PVT1: variants seen among roughly 807,000 people sequenced by gnomAD.
PVT1 encodes Pvt1 oncogene.
chr8:127,882,783 A>G (rs1487618343), intron 2 of PVT1, among the ~76,000 whole-genome samples: 1 of 152,172 alleles, frequency 6.6e-6, no homozygotes, highest in Non-Finnish European at 1.5e-5. Flanking sequence ...ACACCCAGCC[A>G]GTTTTGAAGA....
intron 4 of PVT1, among the ~76,000 whole-genome samples, chr8:128,039,084 A>T (rs1586492715): frequency 6.6e-6 from 1 of 152,124 alleles, no homozygotes; most frequent in East Asian, 1.9e-4. Flanking sequence ...CCTCTTGGCC[A>T]CTGGAAGGCT....
chr8:128,008,868 T>A, intron 4 of PVT1: 1 of 494,318 alleles, frequency 2.0e-6, no homozygotes, highest in South Asian at 1.5e-5. Context: ...AACTAGAAGC[T>A]ATGGTCAGGC....
At chr8:127,857,702 A>G (rs1815176642) in intron 2 of PVT1, among the ~76,000 whole-genome samples, 1 of 152,162 alleles carries the variant, frequency 6.6e-6, no homozygotes, top group African/African-American at 2.4e-5. Context: ...AACAAAGCAA[A>G]AACAATTAGG....
At chr8:128,096,087 C>G (rs1563685860) in intron 5 of PVT1, among the ~76,000 whole-genome samples, 1 of 152,206 alleles carries the variant, frequency 6.6e-6, no homozygotes, top group Non-Finnish European at 1.5e-5. Context: ...AGATAACCAA[C>G]CAGGTACAAC....
At chr8:127,936,214 G>A (rs145002780) in intron 3 of PVT1, among the ~76,000 whole-genome samples, 273 of 151,854 alleles carry the variant, frequency 1.8e-3, no homozygotes, top group African/African-American at 6.5e-3. Context: ...ACCCACGCCC[G>A]GCTAATTTTG....
chr8:127,912,404 G>A (rs188252884), intron 3 of PVT1, among the ~76,000 whole-genome samples: 7 of 152,272 alleles, frequency 4.6e-5, no homozygotes, highest in Admixed American at 3.9e-4. Context: ...TAAGTAATCT[G>A]CCAAAGATCC....
intron 2 of PVT1, among the ~76,000 whole-genome samples, chr8:127,845,074 T>C (rs1436475711): frequency 1.3e-5 from 2 of 152,152 alleles, no homozygotes; most frequent in Non-Finnish European, 2.9e-5. Context: ...GCAGGTGTTT[T>C]ATGTGTGGGG....
intron 4 of PVT1, among the ~76,000 whole-genome samples, chr8:128,018,107 G>A (rs921999578): frequency 3.3e-5 from 5 of 152,176 alleles, no homozygotes; most frequent in African/African-American, 1.2e-4. Context: ...GGGGAGTGGT[G>A]GAAGGCCCTC....
intron 2 of PVT1, among the ~76,000 whole-genome samples, chr8:127,824,047 G>A (rs1814761200): frequency 6.6e-6 from 1 of 152,170 alleles, no homozygotes; most frequent in Non-Finnish European, 1.5e-5. Flanking sequence ...TAAAAAATTA[G>A]CCATACATGG....
chr8:127,879,920 G>A (rs1815446323), intron 2 of PVT1, among the ~76,000 whole-genome samples: 2 of 152,214 alleles, frequency 1.3e-5, no homozygotes, highest in African/African-American at 4.8e-5. Context: ...TCTTCGCTGG[G>A]TGATCTTGGG....
intron 3 of PVT1, among the ~76,000 whole-genome samples, chr8:127,961,354 T>C (rs1200373042): frequency 6.6e-6 from 1 of 151,938 alleles, no homozygotes; most frequent in Non-Finnish European, 1.5e-5. Flanking sequence ...AAGAGAGAAG[T>C]CCCTGAACGC....
At chr8:128,029,383 C>T (rs936802841) in intron 4 of PVT1, among the ~76,000 whole-genome samples, 17 of 152,204 alleles carry the variant, frequency 1.1e-4, no homozygotes, top group Non-Finnish European at 2.2e-4. Flanking sequence ...CTACCTCATC[C>T]TCCCAATGTG....
At chr8:127,798,666 C>G (rs1814425839) in intron 2 of PVT1, among the ~76,000 whole-genome samples, 1 of 141,516 alleles carries the variant, frequency 7.1e-6, no homozygotes, top group Non-Finnish European at 1.5e-5. Context: ...CAAGACCAGC[C>G]TGGCCAGCAT....
chr8:128,067,725 C>T (rs769103382), intron 4 of PVT1, among the ~76,000 whole-genome samples: 2 of 151,960 alleles, frequency 1.3e-5, no homozygotes. Flanking sequence ...TAGGGGTGAG[C>T]TGGAGCAACC....
chr8:128,060,872 A>C (rs59109762), intron 4 of PVT1, among the ~76,000 whole-genome samples: 4,497 of 150,156 alleles, frequency 0.03, 151 homozygotes, highest in East Asian at 0.16. Context: ...ATCACCTCCC[A>C]ATCTCCCTTC....
intron 1 of PVT1, among the ~76,000 whole-genome samples, chr8:127,795,392 G>A (rs1814382551): frequency 1.3e-5 from 2 of 152,212 alleles, no homozygotes. Flanking sequence ...GCATGCGTCT[G>A]TGTGTGGATG....
rs527542979 is a variant in PVT1 at position 127,797,189 on chromosome 8, T to C, written n.372+1118T>C. On this transcript the variant is annotated intron_variant and non_coding_transcript_variant, in intron 2 of 10. Coordinates refer to ENST00000651587, the Ensembl canonical transcript of PVT1. ...CTGGGATTACAGGCATGGACCACCATGCCTGGCTAATTTTGTATTTTTAGT... is the reference window on the plus strand; with the variant it reads ...CTGGGATTACAGGCATGGACCACCACGCCTGGCTAATTTTGTATTTTTAGT... 1.1e-4 allele frequency among the ~76,000 whole-genome samples: 16 copies of C among 152,138 alleles called. No homozygotes were observed. In the East Asian group the frequency reaches 3.1e-3, roughly 29 times the overall value.
At chr8:127,870,283 AC>A (rs1232488109) in intron 2 of PVT1, among the ~76,000 whole-genome samples, 3 of 152,194 alleles carry the variant, frequency 2.0e-5, no homozygotes, top group Non-Finnish European at 2.9e-5. Context: ...TGACACAGCT[AC>A]AAGCCAAGGA....
chr8:127,888,098 G>A (rs1280692892), intron 2 of PVT1, among the ~76,000 whole-genome samples: 4 of 151,494 alleles, frequency 2.6e-5, no homozygotes, highest in Non-Finnish European at 5.9e-5. Context: ...GTGCCACCAC[G>A]CCTGGCTGAT....
Sources: allele counts gnomAD v4.1 joint callset (sites outside exome capture counted in the v4.1 genomes callset), GRCh38; gene constraint gnomAD v4.1.1; transcripts MANE v1.5; gene names NCBI Gene and HGNC (gene_info 2026-07-23, HGNC 2026-07-21).